FLYWCH1: variants seen among roughly 807,000 people sequenced by gnomAD.
The protein encoded by FLYWCH1 is FLYWCH-type zinc finger 1, also known as FLYWCH-type zinc finger-containing protein 1.
Under a neutral mutation model 66.4 loss-of-function variants are expected in FLYWCH1, and 75 were observed. That is an observed-to-expected ratio of 1.13 (90% confidence interval 0.94 to 1.37). The LOEUF is 1.37. Among genes scored for constraint, FLYWCH1 ranks in the 40% most tolerant of loss-of-function variants. FLYWCH1 has a pLI of 0.00. For synonymous variants in FLYWCH1, 595 were observed against 429.9 expected (o/e 1.38, Z -4.75); for missense variants, 1,334 against 1,001.8 (o/e 1.33, Z -4.48).
At chr16:2,941,554 T>A (rs1350397778) in intron 9 of FLYWCH1, among the ~76,000 whole-genome samples, 1 of 151,454 alleles carries the variant, frequency 6.6e-6, no homozygotes, top group Non-Finnish European at 1.5e-5. Context: ...CACTCCAGCC[T>A]GGGAGACAGA....
chr16:2,945,137 G>A (rs1242486624), intron 9 of FLYWCH1, among the ~76,000 whole-genome samples: 1 of 150,594 alleles, frequency 6.6e-6, no homozygotes, highest in Non-Finnish European at 1.5e-5. Context: ...ATCACTTGAG[G>A]TCAGGAGTTC....
intron 2 of FLYWCH1, among the ~76,000 whole-genome samples, chr16:2,917,205 A>T (rs527346736): frequency 6.7e-6 from 1 of 149,332 alleles, no homozygotes; most frequent in Non-Finnish European, 1.5e-5. Flanking sequence ...GACTTTCCCA[A>T]TAATACAAAG....
intron 9 of FLYWCH1, among the ~76,000 whole-genome samples, chr16:2,947,841 T>C (rs1199026336): frequency 6.6e-6 from 1 of 151,516 alleles, no homozygotes; most frequent in South Asian, 2.1e-4. Context: ...GAGACCAGCT[T>C]GAGCAACACA....
At chr16:2,915,802 A>G (rs1248187080) in intron 2 of FLYWCH1, among the ~76,000 whole-genome samples, 1 of 139,072 alleles carries the variant, frequency 7.2e-6, no homozygotes, top group Non-Finnish European at 1.6e-5. Context: ...GTGTCGAGAG[A>G]AAAAAAAAAA....
chr16:2,947,698 G>A (rs2071541020), intron 9 of FLYWCH1, among the ~76,000 whole-genome samples: 1 of 150,834 alleles, frequency 6.6e-6, no homozygotes, highest in Non-Finnish European at 1.5e-5. Flanking sequence ...GGAGGTAGAG[G>A]TTGCAGTGAG....
chr16:2,922,748 C>G (rs1464940927), intron 2 of FLYWCH1: 1 of 510,720 alleles, frequency 2.0e-6, no homozygotes. Context: ...CAGGCCCAAT[C>G]AGGGTATTGA....
chr16:2,922,917 C>T (rs1024350948), intron 2 of FLYWCH1: 4 of 523,754 alleles, frequency 7.6e-6, no homozygotes, highest in South Asian at 1.4e-5. Context: ...TGGTCAAGCT[C>T]GTTTCTCCTG....
intron 9 of FLYWCH1, among the ~76,000 whole-genome samples, chr16:2,948,420 G>A (rs1324797203): frequency 1.3e-5 from 2 of 151,582 alleles, no homozygotes; most frequent in Admixed American, 6.6e-5. Context: ...AAAATTAGCT[G>A]AGCATGATGG....
At chr16:2,920,521 A>C (rs576004749) in intron 2 of FLYWCH1, among the ~76,000 whole-genome samples, 1 of 151,974 alleles carries the variant, frequency 6.6e-6, no homozygotes, top group Non-Finnish European at 1.5e-5. Flanking sequence ...TAAAAAAAAA[A>C]AAAAACACTT....
intron 6 of FLYWCH1, chr16:2,934,768 G>A (rs886289027): frequency 2.1e-5 from 9 of 420,902 alleles, no homozygotes; most frequent in Middle Eastern, 4.0e-4. Context: ...CGAGGTCCCC[G>A]CCTCGTCCTC....
At chr16:2,941,036 T>A (rs1464667806) in intron 9 of FLYWCH1, among the ~76,000 whole-genome samples, 2 of 152,112 alleles carry the variant, frequency 1.3e-5, no homozygotes, top group Non-Finnish European at 1.5e-5. Context: ...GAGGCAGAGG[T>A]TGCAGTGAGC....
chr16:2,934,896 A>C, intron 6 of FLYWCH1: 2 of 214,014 alleles, frequency 9.3e-6, no homozygotes, highest in Non-Finnish European at 9.4e-6. Context: ...CTTGTCAGCT[A>C]CTCAGTGCAC....
chr16:2,934,488 G>C (rs891716135), intron 6 of FLYWCH1: 6 of 363,668 alleles, frequency 1.6e-5, no homozygotes, highest in Non-Finnish European at 3.3e-5. Flanking sequence ...CCACACGGTC[G>C]GCCCCCCGCA....
rs58891462 is a variant in FLYWCH1 at position 2,934,972 on chromosome 16, G to C, written c.1513+993G>C. 6.2e-3 allele frequency: 1,037 copies of C among 168,558 alleles called. 12 individuals are homozygous for C. Among genetic ancestry groups the C allele is most frequent in the African/African-American group, 0.025 (972 of 38,636 alleles). 10.4% of individuals were successfully genotyped at this position (168,558 alleles called of 1,614,324 possible). ...GGAGTCTTGCTTTATCACCCAGGCT[G>C]GTGTGCAGTGGCGTGATCTTGGCTC... On this transcript the variant is annotated intron_variant, in intron 6 of 9. Coordinates refer to ENST00000253928, the MANE Select transcript of FLYWCH1 (RefSeq NM_001308068.2).
intron 1 of FLYWCH1, 64 bp downstream of exon 1, chr16:2,912,218 C>T (rs1011960652): frequency 2.0e-5 from 3 of 152,286 alleles, no homozygotes; most frequent in Non-Finnish European, 4.4e-5. Flanking sequence ...GCCCGCAGCC[C>T]GGCTCTCCCG....
At chr16:2,939,174 A>C (rs2071152379) in intron 8 of FLYWCH1, among the ~76,000 whole-genome samples, 2 of 152,122 alleles carry the variant, frequency 1.3e-5, no homozygotes, top group African/African-American at 4.8e-5. Flanking sequence ...GGCCAGGCAC[A>C]GTGGCTCACG....
Position 2,933,136 on chromosome 16 carries a change from C to T in FLYWCH1, c.803C>T (p.Ala268Val). ...KKRSILGLGQARPLEFLRTCY... is the reference protein window; with the variant it reads ...KKRSILGLGQVRPLEFLRTCY... ...ACTTGGGTCTCTCCTCTAGGACAGG[C>T]CCGGCCCCTCGAGTTCCTGAGGACG... The change falls in exon 5 of 10, where the codon GCC (alanine) becomes GTC (valine). Residue 268 changes from alanine (A) to valine (V), a missense_variant. Transcript: ENST00000253928. The T allele has an allele frequency of 6.2e-7, 1 of 1,612,554 alleles. No homozygotes were observed. Among genetic ancestry groups the T allele is most frequent in the Non-Finnish European group, 8.5e-7 (1 of 1,179,258 alleles).
intron 6 of FLYWCH1, chr16:2,936,733 C>A: frequency 2.1e-6 from 1 of 478,544 alleles, no homozygotes. Flanking sequence ...CAGCCCCATC[C>A]GGCTCCTGAG....
rs769391501 is a variant in FLYWCH1, at chr16:2,930,859, A to G, written c.775A>G (p.Lys259Glu). The G allele has an allele frequency of 3.1e-6, 5 of 1,599,320 alleles. No individual in the cohort carries two copies. In the South Asian group the frequency reaches 3.4e-5, roughly 11 times the overall value. ...GTCACTGCTGAGCCTGCCGCCCAAGAAGCGCTCGATCCTGGGGCTGGGTGA... is the reference window on the plus strand; with the variant it reads ...GTCACTGCTGAGCCTGCCGCCCAAGGAGCGCTCGATCCTGGGGCTGGGTGA... ...ALSLLSLPPK[K>E]RSILGLGQAR... Residue 259 changes from lysine (K) to glutamate (E), a missense_variant, in exon 4 of 10, where the codon AAG becomes GAG. Transcript: ENST00000253928.
Sources: allele counts gnomAD v4.1 joint callset (sites outside exome capture counted in the v4.1 genomes callset), GRCh38; gene constraint gnomAD v4.1.1; transcripts MANE v1.5; gene names NCBI Gene and HGNC (gene_info 2026-07-23, HGNC 2026-07-21).